The following APPL1 variants were observed in gnomAD, a reference collection of about 807,000 sequenced individuals.
The protein encoded by APPL1 is DCC-interacting protein 13-alpha.
APPL1 carries 42 observed loss-of-function variants against 106.8 expected under a neutral mutation model. The observed-to-expected ratio is 0.39, with a 90% confidence interval of 0.31 to 0.51. APPL1 has a LOEUF of 0.51. APPL1 is among the 20% of genes least tolerant of loss of function. The probability of loss-of-function intolerance (pLI) is 0.75; values close to 1 mark genes in which losing one functional copy is unlikely to be tolerated. For synonymous variants in APPL1, 263 were observed against 281.8 expected (o/e 0.93, Z 0.67); for missense variants, 769 against 858.2 (o/e 0.90, Z 1.30).
intron 13 of APPL1, 65 bp downstream of exon 13, chr3:57,253,803 T>C: frequency 7.7e-7 from 1 of 1,291,578 alleles, no homozygotes; most frequent in Non-Finnish European, 1.0e-6. Flanking sequence ...CTTACATGTT[T>C]TTATTAATTC....
intron 2 of APPL1, 22 bp from the exon 3 acceptor site, chr3:57,237,470 A>C (rs1303877160): frequency 1.3e-6 from 2 of 1,580,188 alleles, no homozygotes; most frequent in Non-Finnish European, 1.7e-6. Flanking sequence ...GTAATATGCT[A>C]ATTTGAATGC....
At position 57,272,831 on chromosome 3, in the gene APPL1, C is replaced by A. The variant is rs945872772; in HGVS notation, c.*3144C>A. The stretch of plus-strand genomic sequence containing the variant: ...AGCCAGGATGTTCTCGATCTCCTGA[C>A]CTCATGATCCGCCCGCCTCGGCCTC... On this transcript the variant is annotated 3_prime_UTR_variant, in exon 22 of 22. Coordinates refer to ENST00000288266, the MANE Select transcript of APPL1 (RefSeq NM_012096.3). The A allele has an allele frequency of 6.6e-6, 1 of 152,180 alleles. No homozygotes were observed. Among genetic ancestry groups the A allele is most frequent in the African/African-American group, 2.4e-5 (1 of 41,436 alleles). 9.4% of individuals were successfully genotyped at this position (152,180 alleles called of 1,614,324 possible). A position where few individuals can be genotyped will look rare whatever the true frequency, so the allele number is the denominator to read the frequency against.
intron 1 of APPL1, among the ~76,000 whole-genome samples, chr3:57,233,094 A>G (rs1443626001): frequency 1.3e-5 from 2 of 152,194 alleles, no homozygotes; most frequent in Non-Finnish European, 2.9e-5. Flanking sequence ...TGATGCTTAT[A>G]TTTGTTATGT....
intron 1 of APPL1, among the ~76,000 whole-genome samples, chr3:57,232,769 G>A (rs1203336344): frequency 1.3e-5 from 2 of 152,154 alleles, no homozygotes; most frequent in African/African-American, 2.4e-5. Context: ...TTGGGAGGCC[G>A]AGGCGGGCAG....
At chr3:57,238,656 CCT>C (rs1349399133) in intron 4 of APPL1, among the ~76,000 whole-genome samples, 1 of 152,078 alleles carries the variant, frequency 6.6e-6, no homozygotes, top group Non-Finnish European at 1.5e-5. Flanking sequence ...ATTCGATAGT[CCT>C]GTGTTTTCTA....
intron 1 of APPL1, among the ~76,000 whole-genome samples, chr3:57,233,957 G>A (rs909820142): frequency 2.0e-5 from 3 of 151,966 alleles, no homozygotes; most frequent in Non-Finnish European, 2.9e-5. Context: ...GGTGGCACAT[G>A]CCTGTAGTCC....
rs560697704 is a variant in APPL1, at chr3:57,265,442, G to A, written c.1843-2300G>A. ...TGGGATTACAGGCCTGAGCCACTGCGCCCAGCCTGTAGTTTTCATTATAGA... is the reference window on the plus strand; with the variant it reads ...TGGGATTACAGGCCTGAGCCACTGCACCCAGCCTGTAGTTTTCATTATAGA... On this transcript the variant is annotated intron_variant, in intron 19 of 21. Coordinates refer to ENST00000288266, the MANE Select transcript of APPL1 (RefSeq NM_012096.3). 2.6e-3 allele frequency among the ~76,000 whole-genome samples: 402 copies of A among 152,284 alleles called. 3 individuals are homozygous for A. Among genetic ancestry groups the A allele is most frequent in the African/African-American group, 8.9e-3 (369 of 41,564 alleles).
In APPL1 at chr3:57,257,190, A is replaced by G. The variant is rs562239605; in HGVS notation, c.1248-56A>G. The stretch of plus-strand genomic sequence containing the variant: ...GTTTTCTTTTTTCATAGTTTGTTAA[A>G]TATTTAATATCCAAAAGGGAAAATT... On this transcript the variant is annotated intron_variant, in intron 14 of 21. Coordinates refer to ENST00000288266, the MANE Select transcript of APPL1 (RefSeq NM_012096.3). 319 of 1,570,628 alleles carry G rather than the reference A, an allele frequency of 2.0e-4. 1 individual carries two copies. In the African/African-American group the frequency reaches 3.7e-3, roughly 18 times the overall value.
chr3:57,260,715 A>G lies in APPL1; in HGVS notation c.1783A>G (p.Ser595Gly), dbSNP rs779726235. The G allele has an allele frequency of 2.5e-6, 4 of 1,612,742 alleles. No homozygotes were observed. The African/African-American group carries it at 5.3e-5, about 22-fold the overall frequency. Residue 595 changes from serine to glycine, a missense_variant, in exon 19 of 22, where the codon AGT becomes GGT. By Grantham distance (56) the Ser-to-Gly change is moderately conservative (BLOSUM62 0). Coordinates refer to ENST00000288266, the MANE Select transcript of APPL1 (RefSeq NM_012096.3). ...GFVLRTSSGRSESNLSSVCYI... is the reference protein window; with the variant it reads ...GFVLRTSSGRGESNLSSVCYI... ...TGTTCTTCGGACATCAAGCGGGAGA[A>G]GTGAAAGTAATCTGTCATCAGTCTG...
chr3:57,236,754 T>G (rs2060718631), intron 2 of APPL1, among the ~76,000 whole-genome samples: 2 of 152,232 alleles, frequency 1.3e-5, no homozygotes, highest in Non-Finnish European at 2.9e-5. Context: ...GTTTTCTTAT[T>G]GACCAGCAAT....
chr3:57,235,697 A>G lies in APPL1; in HGVS notation c.153+33A>G, dbSNP rs969761193. The G allele has an allele frequency of 2.0e-6, 3 of 1,506,190 alleles. No individual in the cohort carries two copies. The African/African-American group carries it at 4.1e-5, about 21-fold the overall frequency. 93.3% of individuals were successfully genotyped at this position (1,506,190 alleles called of 1,614,324 possible). A position where few individuals can be genotyped will look rare whatever the true frequency, so the allele number is the denominator to read the frequency against. ...ACTAAGGACTAACTTGATGCTTTTAAAACACGAATCTTTAAGCCTCATGAG... is the reference window on the plus strand; with the variant it reads ...ACTAAGGACTAACTTGATGCTTTTAGAACACGAATCTTTAAGCCTCATGAG... On this transcript the variant is annotated intron_variant, in intron 2 of 21. Transcript: ENST00000288266.
Position 57,260,640 on chromosome 3 carries a change from T to TG in APPL1, c.1709dup (p.Cys570TrpfsTer12). The TG allele has an allele frequency of 6.2e-7, 1 of 1,608,566 alleles. No homozygotes were observed. ...TTTTCTGTGGCAGTTTCCATTACCT[T>TG]GTGTAGTTTTGTATGCTACACACCA... On this transcript the variant is annotated frameshift_variant, in exon 19 of 22. Coordinates refer to ENST00000288266, the MANE Select transcript of APPL1 (RefSeq NM_012096.3). LOFTEE classifies it high-confidence loss of function.
chr3:57,257,596 CTA>C (rs2060844245), intron 15 of APPL1, among the ~76,000 whole-genome samples, 168 bp downstream of exon 15: 2 of 152,244 alleles, frequency 1.3e-5, no homozygotes, highest in South Asian at 4.2e-4. Context: ...GTTTTTTTCT[CTA>C]TGTCTTCTGC....
intron 1 of APPL1, chr3:57,230,738 C>T (rs1029699669): frequency 8.9e-6 from 4 of 450,802 alleles, no homozygotes; most frequent in African/African-American, 6.3e-5. Context: ...AGCAGAGCAG[C>T]AAAGAATATG....
At chr3:57,257,146 C>T (rs2060841289) in intron 14 of APPL1, 95 bp downstream of exon 14, 2 of 1,554,982 alleles carry the variant, frequency 1.3e-6, no homozygotes, top group Non-Finnish European at 1.8e-6. Context: ...TAAGACTTCT[C>T]ATTGACTTAT....
In APPL1 at chr3:57,270,405, A is replaced by G. The variant is rs988775644; in HGVS notation, c.*718A>G. 7 of 152,674 alleles carry G rather than the reference A, an allele frequency of 4.6e-5. No homozygotes were observed. Among genetic ancestry groups the G allele is most frequent in the East Asian group, 1.9e-4 (1 of 5,206 alleles). 9.5% of individuals were successfully genotyped at this position (152,674 alleles called of 1,614,324 possible). On this transcript the variant is annotated 3_prime_UTR_variant, in exon 22 of 22. Transcript: ENST00000288266. Reference sequence around the variant, plus strand: ...TCTTAGTTCTCAGGTTGGGACTTCAATTACTGCTGCAGAGCAGTAGTGGTT... The same window carrying G: ...TCTTAGTTCTCAGGTTGGGACTTCAGTTACTGCTGCAGAGCAGTAGTGGTT...
intron 5 of APPL1, 127 bp from the exon 6 acceptor site, chr3:57,241,974 C>G: frequency 1.6e-6 from 1 of 615,430 alleles, no homozygotes. Context: ...GTAGCTTTTT[C>G]ACCCTGAATG....
In APPL1 at chr3:57,260,138, A is replaced by G. The variant is rs764047294; in HGVS notation, c.1680A>G (p.Gln560=). 6 of 1,606,224 alleles carry G rather than the reference A, an allele frequency of 3.7e-6. No individual in the cohort carries two copies. The highest frequency in any genetic ancestry group is 5.1e-6 in the Non-Finnish European group (6 of 1,178,632). The change falls in exon 18 of 22, where the codon CAA becomes CAG. Residue 560 remains glutamine (Q), a synonymous_variant. Coordinates refer to ENST00000288266, the MANE Select transcript of APPL1 (RefSeq NM_012096.3). The part of the protein sequence containing the change: ...DCLKLIDPQT[Q]VTRLTFPLPC... ...TTAGGTTAATTGATCCACAGACACAAGTTACAAGGCTCACGGTGAGTTCCA... is the reference window on the plus strand; with the variant it reads ...TTAGGTTAATTGATCCACAGACACAGGTTACAAGGCTCACGGTGAGTTCCA...
chr3:57,253,893 C>T (rs1231888829), intron 13 of APPL1, among the ~76,000 whole-genome samples, 155 bp downstream of exon 13: 10 of 138,504 alleles, frequency 7.2e-5, no homozygotes, highest in Admixed American at 5.3e-4. Context: ...GACAGAGTCT[C>T]GCCCCATTGC....
Sources: allele counts gnomAD v4.1 joint callset (sites outside exome capture counted in the v4.1 genomes callset), GRCh38; gene constraint gnomAD v4.1.1; transcripts MANE v1.5; gene names NCBI Gene and HGNC (gene_info 2026-07-23, HGNC 2026-07-21).